Variants in ITSN2 observed in about 807,000 individuals in gnomAD.
ITSN2 encodes intersectin-2.
A neutral mutation model predicts 243.7 loss-of-function variants in ITSN2; 156 were observed. That is an observed-to-expected ratio of 0.64 (90% CI 0.56 to 0.73). ITSN2 has a LOEUF of 0.73. ITSN2 is among the 30% of genes least tolerant of loss of function. The probability of loss-of-function intolerance (pLI) is 0.00; values close to 1 mark genes in which losing one functional copy is unlikely to be tolerated. For missense variants in ITSN2, 1,801 were observed against 1,996.1 expected, an observed-to-expected ratio of 0.90 and a Z score of 1.86; for synonymous variants, 703 against 699.9, an observed-to-expected ratio of 1.00 and a Z score of -0.07.
chr2:24,328,213 C>T, intron 1 of ITSN2, 98 bp from the exon 2 acceptor site: 1 of 783,430 alleles, frequency 1.3e-6, no homozygotes, highest in Non-Finnish European at 2.1e-6. Context: ...CCCTTCAGCT[C>T]ACACTTCCAA....
chr2:24,327,125 C>T (rs1010787902), intron 2 of ITSN2, among the ~76,000 whole-genome samples: 3 of 151,630 alleles, frequency 2.0e-5, no homozygotes, highest in Admixed American at 6.6e-5. Flanking sequence ...ATTTCTTTAG[C>T]GATTTAAAAA....
intron 1 of ITSN2, among the ~76,000 whole-genome samples, chr2:24,328,781 A>C (rs1685449489): frequency 6.6e-6 from 1 of 152,200 alleles, no homozygotes. Flanking sequence ...CATTTTTTAA[A>C]AACTCCCAAA....
intron 15 of ITSN2, among the ~76,000 whole-genome samples, chr2:24,288,636 C>T (rs541209528): frequency 6.6e-6 from 1 of 152,198 alleles, no homozygotes; most frequent in East Asian, 1.9e-4. Flanking sequence ...TAATTAACCT[C>T]ACATACTTAC....
At chr2:24,303,753 T>C in intron 9 of ITSN2, 46 bp downstream of exon 9, 1 of 1,155,784 alleles carries the variant, frequency 8.7e-7, no homozygotes, top group East Asian at 2.3e-5. Context: ...TTTAATTAAT[T>C]AATGCATAGT....
intron 1 of ITSN2, among the ~76,000 whole-genome samples, chr2:24,352,293 T>C (rs1354260397): frequency 4.6e-5 from 7 of 152,188 alleles, no homozygotes; most frequent in African/African-American, 1.7e-4. Flanking sequence ...CCATAAATTA[T>C]GATTATTACA....
chr2:24,238,941 G>C (rs1466446107), intron 29 of ITSN2: 1 of 152,166 alleles, frequency 6.6e-6, no homozygotes, highest in Non-Finnish European at 1.5e-5. Flanking sequence ...AATATAGTTT[G>C]TGTTCTTTTA....
chr2:24,266,404 G>C (rs1676661456), intron 20 of ITSN2, among the ~76,000 whole-genome samples: 1 of 151,970 alleles, frequency 6.6e-6, no homozygotes, highest in Admixed American at 6.6e-5. Context: ...GATTATTAGG[G>C]CAACTTCATT....
chr2:24,248,938 G>A, intron 25 of ITSN2, 56 bp from the exon 26 acceptor site: 1 of 1,509,878 alleles, frequency 6.6e-7, no homozygotes, highest in Admixed American at 1.7e-5. Context: ...AAATGTAAAA[G>A]TATAAAGGTT....
At chr2:24,331,689 C>A (rs1380584694) in intron 1 of ITSN2, among the ~76,000 whole-genome samples, 3 of 152,114 alleles carry the variant, frequency 2.0e-5, no homozygotes, top group African/African-American at 4.8e-5. Flanking sequence ...AGACCTGACC[C>A]CCCAATCATT....
rs1045083246 is a variant in ITSN2 at position 24,249,278 on chromosome 2, T to A, written c.3121-396A>T. 6.6e-6 allele frequency among the ~76,000 whole-genome samples: 1 copy of A among 152,208 alleles called. No individual in the cohort carries two copies. The highest frequency in any genetic ancestry group is 1.5e-5 in the Non-Finnish European group (1 of 68,034). On this transcript the variant is annotated intron_variant, in intron 25 of 39. Transcript: ENST00000355123. This position sits in a 1 kb window ranked among gnomAD's most constrained non-coding sequence, Gnocchi z 4.4. ...AAGGTATACGTTATTTTGCTCCTGC[T>A]TTCTCTAAGGGATCCTGACTTATCT...
intron 1 of ITSN2, among the ~76,000 whole-genome samples, chr2:24,358,309 T>G (rs1232538960): frequency 6.6e-6 from 1 of 152,254 alleles, no homozygotes. Flanking sequence ...CTGGCTATTG[T>G]ACTTACTAGC....
rs1669502625 is a variant in ITSN2, at chr2:24,211,618, T to G, written c.4090-671A>C. 6.6e-6 allele frequency among the ~76,000 whole-genome samples: 1 copy of G among 152,032 alleles called. No individual in the cohort carries two copies. The highest frequency in any genetic ancestry group is 6.5e-5 in the Admixed American group (1 of 15,282). Reference sequence around the variant, plus strand: ...AGTCAGATGAGTGCACAGTCCTTCATTTACAATTCTAAAATGCAGAACAGC... The same window carrying G: ...AGTCAGATGAGTGCACAGTCCTTCAGTTACAATTCTAAAATGCAGAACAGC... On this transcript the variant is annotated intron_variant, in intron 33 of 39. Transcript: ENST00000355123. This position sits in a 1 kb window ranked among gnomAD's most constrained non-coding sequence, Gnocchi z 4.1.
intron 29 of ITSN2, among the ~76,000 whole-genome samples, chr2:24,245,740 A>G (rs1020654953): frequency 2.6e-4 from 40 of 152,318 alleles, no homozygotes; most frequent in African/African-American, 8.4e-4. Context: ...TTGGCCTCCC[A>G]AAGTGCTGGG....
chr2:24,263,982 T>C (rs750480059), intron 20 of ITSN2, among the ~76,000 whole-genome samples: 2 of 152,220 alleles, frequency 1.3e-5, no homozygotes, highest in Non-Finnish European at 2.9e-5. Flanking sequence ...CTTATGGAGA[T>C]ATAATTCACA....
chr2:24,260,112 G>A (rs1675618282), intron 22 of ITSN2, among the ~76,000 whole-genome samples: 1 of 151,980 alleles, frequency 6.6e-6, no homozygotes, highest in Admixed American at 6.6e-5. Flanking sequence ...GTAGAGATGA[G>A]GTCTTGCTGT....
At chr2:24,343,216 C>A (rs1278845126) in intron 1 of ITSN2, among the ~76,000 whole-genome samples, 1 of 151,650 alleles carries the variant, frequency 6.6e-6, no homozygotes. Context: ...CTTAAAACAA[C>A]CTGAAAAATT....
chr2:24,286,167 TA>T lies in ITSN2; in HGVS notation c.1863+44del, dbSNP rs765548693. On this transcript the variant is annotated intron_variant, in intron 16 of 39. Coordinates refer to ENST00000355123, the MANE Select transcript of ITSN2 (RefSeq NM_006277.3). ...TTCTATTAAATCAAAATAATGAAGG[TA>T]AGAAGGCAGTTACCTAAAAATAAAT... 2.6e-6 allele frequency: 3 copies of T among 1,159,628 alleles called. No homozygotes were observed. The Admixed American group carries it at 6.7e-5, about 26-fold the overall frequency. 71.8% of individuals were successfully genotyped at this position (1,159,628 alleles called of 1,614,324 possible). A position where few individuals can be genotyped will look rare whatever the true frequency, so the allele number is the denominator to read the frequency against.
intron 1 of ITSN2, among the ~76,000 whole-genome samples, chr2:24,339,160 G>T (rs749798735): frequency 2.0e-5 from 3 of 152,126 alleles, no homozygotes; most frequent in Non-Finnish European, 2.9e-5. Flanking sequence ...TGCGATTTGA[G>T]AGTGATGTAA....
At chr2:24,305,490 C>G (rs561389368) in intron 8 of ITSN2, among the ~76,000 whole-genome samples, 10 of 148,730 alleles carry the variant, frequency 6.7e-5, no homozygotes, top group Non-Finnish European at 1.5e-4. Flanking sequence ...GCAGGAGAAT[C>G]GCTGGAACCC....
Sources: gnomAD v4.1 joint callset for allele counts (sites outside exome capture counted in the v4.1 genomes callset) on GRCh38, gnomAD v4.1.1 for gene constraint, Gnocchi (gnomAD v3.1) non-coding constraint, MANE v1.5 for transcripts, NCBI Gene and HGNC (gene_info 2026-07-23, HGNC 2026-07-21) for gene names.